The following PKP1 variants were observed in gnomAD, a reference collection of about 807,000 sequenced individuals.
PKP1 encodes plakophilin-1.
Under a neutral mutation model 76.4 loss-of-function variants are expected in PKP1, and 27 were observed. That is an observed-to-expected ratio of 0.35 (90% CI 0.26 to 0.49). PKP1 has a LOEUF of 0.49. Ranked by LOEUF, PKP1 falls within the 20% of genes least tolerant of loss-of-function variation. The pLI is 0.99. For synonymous variants in PKP1, 404 were observed against 384.2 expected (o/e 1.05, Z -0.60); for missense variants, 964 against 955.2 (o/e 1.01, Z -0.12).
chr1:201,320,031 G>T, intron 6 of PKP1: 1 of 818,794 alleles, frequency 1.2e-6, no homozygotes, highest in South Asian at 1.4e-5. Flanking sequence ...TGGCTAAATG[G>T]TTTCTCTTTC....
At chr1:201,327,052 G>A (rs1465212678) in intron 12 of PKP1, among the ~76,000 whole-genome samples, 1 of 152,212 alleles carries the variant, frequency 6.6e-6, no homozygotes, top group African/African-American at 2.4e-5. Context: ...GAGCACTGCT[G>A]GCCAAGCAAG....
At chr1:201,302,040 T>C (rs540823210) in intron 2 of PKP1, among the ~76,000 whole-genome samples, 1 of 152,284 alleles carries the variant, frequency 6.6e-6, no homozygotes, top group East Asian at 1.9e-4. Context: ...TTCGAGCCTG[T>C]TTCAGCTGCG....
Position 201,323,038 on chromosome 1 carries a change from C to T in PKP1, c.1529C>T (p.Pro510Leu), listed in dbSNP as rs998787266. The T allele has an allele frequency of 1.2e-6, 2 of 1,614,154 alleles. No individual in the cohort carries two copies. The stretch of plus-strand genomic sequence containing the variant: ...AACAACAACTATGACTGCCCCCTGC[C>T]TGAGGAAGAGACCAACCCCAAGGGC... ...MMNNNYDCPL[P>L]EEETNPKGSG... Residue 510 changes from proline (P) to leucine (L), a missense_variant, in exon 9 of 14, where the codon CCT becomes CTT. Physicochemically the swap from Pro to Leu is moderately conservative, Grantham distance 98 (BLOSUM62 -3). Coordinates refer to ENST00000367324, the MANE Select transcript of PKP1 (RefSeq NM_001005337.3).
At position 201,283,623 on chromosome 1, in the gene PKP1, T is replaced by C. The variant is rs2102402082; in HGVS notation, c.-80T>C. The C allele has an allele frequency of 2.3e-6, 3 of 1,287,898 alleles. No individual in the cohort carries two copies. The highest frequency in any genetic ancestry group is 3.3e-6 in the Non-Finnish European group (3 of 907,640). 79.8% of individuals were successfully genotyped at this position (1,287,898 alleles called of 1,614,324 possible). A position where few individuals can be genotyped will look rare whatever the true frequency, so the allele number is the denominator to read the frequency against. On this transcript the variant is annotated 5_prime_UTR_variant, in exon 1 of 14. Coordinates refer to ENST00000367324, the MANE Select transcript of PKP1 (RefSeq NM_001005337.3). Reference sequence around the variant, plus strand: ...GCTGAGAGCGAGAAGAGCACGCTCCTGCCCGCCCGCTGCACCGCACCTCGC... The same window carrying C: ...GCTGAGAGCGAGAAGAGCACGCTCCCGCCCGCCCGCTGCACCGCACCTCGC...
At chr1:201,286,473 T>C (rs1360632604) in intron 1 of PKP1, among the ~76,000 whole-genome samples, 1 of 152,180 alleles carries the variant, frequency 6.6e-6, no homozygotes, top group East Asian at 1.9e-4. Context: ...TCTCCACTAG[T>C]GCTCTTTTCT....
chr1:201,283,717 G>T lies in PKP1; in HGVS notation c.15G>T (p.Pro5=), dbSNP rs760122260. Residue 5 remains proline, a synonymous_variant, in exon 1 of 14, where the codon CCG becomes CCT. Coordinates refer to ENST00000367324, the MANE Select transcript of PKP1 (RefSeq NM_001005337.3). MNHS[P]LKTALAYECF... ...CTCCCGCCACCATGAACCACTCGCC[G>T]CTCAAGACCGCCTTGGCGTACGAAT... The T allele has an allele frequency of 5.2e-5, 84 of 1,613,612 alleles. 1 individual carries two copies. In the East Asian group the frequency reaches 1.8e-3, roughly 35 times the overall value.
rs141138478 is a variant in PKP1 at position 201,329,757 on chromosome 1, T to C, written c.*33-317T>C. On this transcript the variant is annotated intron_variant, in intron 13 of 13. Coordinates refer to ENST00000367324, the MANE Select transcript of PKP1 (RefSeq NM_001005337.3). ...AAATAAGACTTCAGATATCCTCTCC[T>C]AGTAAACAAGCTGCAACAACTTGAA... Among the ~76,000 whole-genome samples the C allele has an allele frequency of 5.4e-4, 82 of 152,332 alleles. 1 individual carries two copies. Among genetic ancestry groups the C allele is most frequent in the African/African-American group, 1.8e-3 (76 of 41,570 alleles).
chr1:201,313,683 G>C (rs1187420715), intron 3 of PKP1, 123 bp downstream of exon 3: 1 of 1,061,056 alleles, frequency 9.4e-7, no homozygotes, highest in Non-Finnish European at 1.3e-6. Context: ...TGTCCCTGGG[G>C]AGTTCATTGC....
chr1:201,328,019 G>A (rs547745670), intron 12 of PKP1, among the ~76,000 whole-genome samples: 22 of 152,238 alleles, frequency 1.4e-4, no homozygotes, highest in South Asian at 4.2e-4. Context: ...CTGCTGTTTC[G>A]GATCCCCTAT....
chr1:201,292,971 C>T (rs1655963813), intron 1 of PKP1, among the ~76,000 whole-genome samples: 1 of 152,164 alleles, frequency 6.6e-6, no homozygotes, highest in Non-Finnish European at 1.5e-5. Context: ...TTGCCTTGTG[C>T]AGAACTGATC....
chr1:201,312,941 G>A (rs780104997), intron 2 of PKP1, among the ~76,000 whole-genome samples: 1 of 152,140 alleles, frequency 6.6e-6, no homozygotes, highest in Non-Finnish European at 1.5e-5. Flanking sequence ...TTTTAAAAAT[G>A]ATGGCCATAG....
At chr1:201,324,732 G>A (rs1416795011) in intron 10 of PKP1, 151 bp downstream of exon 10, 1 of 1,123,304 alleles carries the variant, frequency 8.9e-7, no homozygotes, top group Non-Finnish European at 1.3e-6. Context: ...GACAGGAGAA[G>A]GGAGCCTGTC....
At position 201,324,433 on chromosome 1, in the gene PKP1, C is replaced by T; in HGVS notation, c.1686C>T (p.Ser562=). Residue 562 remains serine, a synonymous_variant, in exon 10 of 14, where the codon TCC becomes TCT. Transcript: ENST00000367324. ...ATCTACTCCTTCTCTCTTAGATGTC[C>T]AGTGGCATGAGCCAGTTGATTGGGC... ...QNLTASKGLM[S]SGMSQLIGLK... The T allele has an allele frequency of 6.2e-7, 1 of 1,614,130 alleles. No homozygotes were observed. Among genetic ancestry groups the T allele is most frequent in the Non-Finnish European group, 8.5e-7 (1 of 1,180,010 alleles).
chr1:201,302,590 G>T (rs983574349), intron 2 of PKP1, among the ~76,000 whole-genome samples: 2 of 152,192 alleles, frequency 1.3e-5, no homozygotes, highest in Non-Finnish European at 2.9e-5. Flanking sequence ...CAAGGGTGAG[G>T]CTCTACTTTC....
At position 201,317,713 on chromosome 1, in the gene PKP1, G is replaced by A; in HGVS notation, c.988G>A (p.Gly330Arg). Residue 330 changes from glycine (G) to arginine (R), a missense_variant, in exon 5 of 14, where the codon GGG (glycine) becomes AGG (arginine). Coordinates refer to ENST00000367324, the MANE Select transcript of PKP1 (RefSeq NM_001005337.3). ...CAAGCTGGAGACCCGGAGGCAGAAT[G>A]GGATCCGCGAGGCAGTCAGCCTCCT... is the stretch of plus-strand genomic sequence containing the variant. ...TNKLETRRQN[G>R]IREAVSLLRR... 6.2e-7 allele frequency: 1 copy of A among 1,614,008 alleles called. No homozygotes were observed. Among genetic ancestry groups the A allele is most frequent in the East Asian group, 2.2e-5 (1 of 44,834 alleles).
At position 201,311,953 on chromosome 1, in the gene PKP1, C is replaced by G. The variant is rs534021598; in HGVS notation, c.307-1213C>G. 3.3e-5 allele frequency among the ~76,000 whole-genome samples: 5 copies of G among 152,374 alleles called. No individual in the cohort carries two copies. In the East Asian group the frequency reaches 9.6e-4, roughly 29 times the overall value. ...AAGTCTCCAACCTCACAGGCCCCTC[C>G]CAAGGAGGCCGACTCCCCACTTGGG... On this transcript the variant is annotated intron_variant, in intron 2 of 13. Transcript: ENST00000367324.
At chr1:201,324,394 C>T in intron 9 of PKP1, 34 bp from the exon 10 acceptor site, 22 of 1,613,200 alleles carry the variant, frequency 1.4e-5, no homozygotes, top group Non-Finnish European at 1.9e-5. Flanking sequence ...TGGGAAGCCA[C>T]AGGCTAGCTC....
chr1:201,313,682 G>A (rs913251856), intron 3 of PKP1, 122 bp downstream of exon 3: 6 of 1,058,822 alleles, frequency 5.7e-6, no homozygotes, highest in African/African-American at 4.7e-5. Flanking sequence ...CTGTCCCTGG[G>A]GAGTTCATTG....
In PKP1 at chr1:201,297,165, A is replaced by G. The variant is rs572108889; in HGVS notation, c.306+3120A>G. 3.3e-5 allele frequency among the ~76,000 whole-genome samples: 5 copies of G among 152,342 alleles called. No homozygotes were observed. In the South Asian group the frequency reaches 8.3e-4, roughly 25 times the overall value. ...GAATGTAGAGAGACTTTCTTATAAT[A>G]AAATAAAACTTAAAACAAAGATAGT... On this transcript the variant is annotated intron_variant, in intron 2 of 13. Transcript: ENST00000367324.
Sources: allele counts gnomAD v4.1 joint callset (sites outside exome capture counted in the v4.1 genomes callset), GRCh38; gene constraint gnomAD v4.1.1; transcripts MANE v1.5; gene names NCBI Gene and HGNC (gene_info 2026-07-23, HGNC 2026-07-21).